NPAS3: variants seen among roughly 807,000 people sequenced by gnomAD.
The protein encoded by NPAS3 is neuronal PAS domain-containing protein 3.
A neutral mutation model predicts 73.1 loss-of-function variants in NPAS3; 14 were observed. The ratio of observed to expected loss-of-function variants is 0.19; its 90% CI spans 0.13 to 0.30. The LOEUF (loss-of-function observed/expected upper bound fraction) is 0.30, where lower values mean the gene tolerates loss of function less well. Among genes scored for constraint, NPAS3 ranks in the 10% least tolerant of loss-of-function variants. The pLI is 1.00. For synonymous variants in NPAS3, 620 were observed against 541.5 expected (o/e 1.14, Z -2.01); for missense variants, 1,096 against 1,250.0 (o/e 0.88, Z 1.86).
intron 4 of NPAS3, among the ~76,000 whole-genome samples, chr14:33,452,774 CAAAAAAAAAAAA>C (rs61640170): frequency 1.9e-5 from 1 of 53,840 alleles, no homozygotes; most frequent in African/African-American, 7.8e-5. Context: ...GACTCTGTCT[CAAAAAAAAAAAA>C]AAAAAAAAAA....
intron 3 of NPAS3, among the ~76,000 whole-genome samples, chr14:33,339,778 C>T (rs530936374): frequency 2.0e-5 from 3 of 152,294 alleles, no homozygotes; most frequent in South Asian, 4.1e-4. Flanking sequence ...ATAGGATTCC[C>T]ATCAAAGTAG....
At chr14:33,017,442 C>T (rs1344179929) in intron 1 of NPAS3, among the ~76,000 whole-genome samples, 2 of 152,078 alleles carry the variant, frequency 1.3e-5, no homozygotes, top group Non-Finnish European at 1.5e-5. Flanking sequence ...TTTGTGGATA[C>T]ATGTATTGTA....
intron 2 of NPAS3, among the ~76,000 whole-genome samples, chr14:33,175,830 AT>A (rs11337544): frequency 0.94 from 142,358 of 152,072 alleles, 67,021 homozygotes; most frequent in Non-Finnish European, 0.99. Flanking sequence ...AAACGTTATC[AT>A]TTTTTTATCT....
chr14:33,286,889 A>T (rs537976138), intron 3 of NPAS3, among the ~76,000 whole-genome samples: 7 of 152,284 alleles, frequency 4.6e-5, no homozygotes, highest in African/African-American at 1.7e-4. Flanking sequence ...CTCCATGGTA[A>T]AAGAGCAGCC....
chr14:33,058,359 G>T (rs1179285573), intron 2 of NPAS3, among the ~76,000 whole-genome samples: 1 of 152,190 alleles, frequency 6.6e-6, no homozygotes, highest in Non-Finnish European at 1.5e-5. Context: ...AGCTTTCAGT[G>T]TCAAACCATA....
At chr14:33,028,103 G>A (rs1049525375) in intron 1 of NPAS3, among the ~76,000 whole-genome samples, 1 of 152,084 alleles carries the variant, frequency 6.6e-6, no homozygotes, top group Admixed American at 6.6e-5. Flanking sequence ...CATGCCTTGG[G>A]CCATCATGTA....
chr14:33,411,568 T>C (rs1380343315), intron 4 of NPAS3, among the ~76,000 whole-genome samples: 1 of 152,224 alleles, frequency 6.6e-6, no homozygotes. Context: ...TATCCTCCAG[T>C]GCACAGGACA....
intron 7 of NPAS3, among the ~76,000 whole-genome samples, chr14:33,763,265 T>C (rs2062354851): frequency 1.3e-5 from 2 of 152,212 alleles, no homozygotes; most frequent in East Asian, 1.9e-4. Flanking sequence ...AGAGGCATAT[T>C]GTTACCAGAA....
intron 2 of NPAS3, among the ~76,000 whole-genome samples, chr14:33,197,908 A>T (rs761118534): frequency 1.6e-4 from 24 of 152,190 alleles, no homozygotes; most frequent in Non-Finnish European, 3.4e-4. Flanking sequence ...ACAGTTCTTA[A>T]AGATGGTGTG....
At chr14:33,314,551 T>C (rs1849804591) in intron 3 of NPAS3, among the ~76,000 whole-genome samples, 1 of 152,090 alleles carries the variant, frequency 6.6e-6, no homozygotes, top group Non-Finnish European at 1.5e-5. Flanking sequence ...AAAATTACTC[T>C]TTTCAGTTGG....
At chr14:33,747,883 A>G (rs1272763896) in intron 7 of NPAS3, among the ~76,000 whole-genome samples, 4 of 152,186 alleles carry the variant, frequency 2.6e-5, no homozygotes, top group South Asian at 4.1e-4. Flanking sequence ...CTGCTGAAAC[A>G]TCACTTTCCT....
At chr14:33,042,481 A>G (rs536325153) in intron 1 of NPAS3, among the ~76,000 whole-genome samples, 1 of 152,308 alleles carries the variant, frequency 6.6e-6, no homozygotes, top group East Asian at 1.9e-4. Context: ...AGATAGAACT[A>G]TCTATTCAAA....
At chr14:32,969,375 G>C (rs1356973540) in intron 1 of NPAS3, among the ~76,000 whole-genome samples, 1 of 152,118 alleles carries the variant, frequency 6.6e-6, no homozygotes, top group Admixed American at 6.5e-5. Context: ...AGTACTAGGA[G>C]GTGTGGATTA....
chr14:33,115,810 A>G (rs1210858916), intron 2 of NPAS3, among the ~76,000 whole-genome samples: 1 of 152,134 alleles, frequency 6.6e-6, no homozygotes, highest in African/African-American at 2.4e-5. Flanking sequence ...GGAAAATTCT[A>G]TGAAGGTGAC....
chr14:33,240,900 T>TAA, intron 3 of NPAS3, among the ~76,000 whole-genome samples: 2 of 151,928 alleles, frequency 1.3e-5, no homozygotes, highest in East Asian at 3.8e-4. Context: ...TTTATACTAA[T>TAA]AATTACAACA....
intron 2 of NPAS3, among the ~76,000 whole-genome samples, chr14:33,197,268 T>TGTGTG (rs1555353808): frequency 1.0e-5 from 1 of 97,926 alleles, no homozygotes; most frequent in African/African-American, 3.1e-5. Context: ...TGTGTGTGTG[T>TGTGTG]TCTTTTTCAA....
intron 3 of NPAS3, among the ~76,000 whole-genome samples, chr14:33,344,275 G>A (rs897608537): frequency 1.3e-4 from 20 of 152,148 alleles, no homozygotes; most frequent in Admixed American, 2.6e-4. Flanking sequence ...GACAAATTCA[G>A]TTTCATGTGT....
chr14:33,380,348 G>C (rs1449141199), intron 4 of NPAS3, among the ~76,000 whole-genome samples: 1 of 152,002 alleles, frequency 6.6e-6, no homozygotes, highest in Non-Finnish European at 1.5e-5. Flanking sequence ...GATCCTGCTT[G>C]GGGGAGGAGG....
At chr14:33,576,235 C>T (rs1045200029) in intron 5 of NPAS3, among the ~76,000 whole-genome samples, 11 of 152,120 alleles carry the variant, frequency 7.2e-5, no homozygotes, top group Admixed American at 7.2e-4. Flanking sequence ...CATATGAACT[C>T]GTAGAGCTGA....
Sources: gnomAD v4.1 joint callset for allele counts (sites outside exome capture counted in the v4.1 genomes callset) on GRCh38, gnomAD v4.1.1 for gene constraint, MANE v1.5 for transcripts, NCBI Gene and HGNC (gene_info 2026-07-23, HGNC 2026-07-21) for gene names.